The following CYP27C1 variants were observed in gnomAD, a reference collection of about 807,000 sequenced individuals.
The protein encoded by CYP27C1 is cytochrome P450 family 27 subfamily C member 1, also known as cytochrome P450 27C1.
CYP27C1 carries 29 observed loss-of-function variants against 40.6 expected under a neutral mutation model. The ratio of observed to expected loss-of-function variants is 0.71; its 90% CI spans 0.53 to 0.97. The LOEUF (loss-of-function observed/expected upper bound fraction) is 0.97, where lower values mean the gene tolerates loss of function less well. Among genes scored for constraint, CYP27C1 ranks in the 50% least tolerant of loss-of-function variants. CYP27C1 has a pLI of 0.00. For missense variants in CYP27C1, 390 were observed against 485.8 expected (o/e 0.80, Z 1.85); for synonymous variants, 198 against 186.8 (o/e 1.06, Z -0.49).
Position 127,199,535 on chromosome 2 carries a change from T to C in CYP27C1, c.888A>G (p.Gln296=), listed in dbSNP as rs1184231103. The C allele has an allele frequency of 6.2e-7, 1 of 1,612,836 alleles. No homozygotes were observed. The highest frequency in any genetic ancestry group is 1.1e-5 in the South Asian group (1 of 90,918). The change falls in exon 5 of 9, where the codon CAA becomes CAG. Residue 296 remains glutamine (Q), a synonymous_variant. Transcript: ENST00000664447. The part of the protein sequence containing the change: ...RSWDGLFKFS[Q]IHVDNKLRDI... ...CCCTCAACTTGTTGTCAACATGAAT[T>C]TGGCCTGTTTGAAAACAGTATTTCT...
At position 127,208,449 on chromosome 2, in the gene CYP27C1, T is replaced by C. The variant is rs1224082403; in HGVS notation, c.283-2359A>G. 6.6e-6 allele frequency among the ~76,000 whole-genome samples: 1 copy of C among 152,160 alleles called. No individual in the cohort carries two copies. The highest frequency in any genetic ancestry group is 6.5e-5 in the Admixed American group (1 of 15,280). ...CCCAACCCTGGTATGCACAGATTCC[T>C]ACAGCCTCTCAGCTGGAATCTGTTT... is the stretch of plus-strand genomic sequence containing the variant. On this transcript the variant is annotated intron_variant, in intron 1 of 8. Coordinates refer to ENST00000664447, the MANE Select transcript of CYP27C1 (RefSeq NM_001367502.1). The surrounding 1 kb of genome is among the most constrained non-coding windows in gnomAD (Gnocchi z 5.2).
chr2:127,204,071 C>A (rs559133165), intron 2 of CYP27C1, among the ~76,000 whole-genome samples: 1 of 151,702 alleles, frequency 6.6e-6, no homozygotes, highest in East Asian at 1.9e-4. Flanking sequence ...TCAAGACCAG[C>A]CTGGCCAACA....
Position 127,187,342 on chromosome 2 carries a change from C to A in CYP27C1, c.1543G>T (p.Val515Phe). Reference sequence around the variant, plus strand: ...AGGAGCCCGTGGGTTTTTGCATGAACAGCATTGGTCTGAGAAGATGTTTTG... The same window carrying A: ...AGGAGCCCGTGGGTTTTTGCATGAAAAGCATTGGTCTGAGAAGATGTTTTG... ...EIKTSSQTNA[V>F]HAKTHGLLTP... Residue 515 changes from valine (V) to phenylalanine (F), a missense_variant, in exon 9 of 9, where the codon GTT (valine) becomes TTT (phenylalanine). Coordinates refer to ENST00000664447, the MANE Select transcript of CYP27C1 (RefSeq NM_001367502.1). 6.2e-7 allele frequency: 1 copy of A among 1,614,154 alleles called. No individual in the cohort carries two copies. Among genetic ancestry groups the A allele is most frequent in the Non-Finnish European group, 8.5e-7 (1 of 1,180,016 alleles).
intron 8 of CYP27C1, among the ~76,000 whole-genome samples, chr2:127,188,651 T>C (rs1573888646): frequency 1.4e-5 from 2 of 146,590 alleles, no homozygotes; most frequent in Admixed American, 6.6e-5. Context: ...ATTGTTGATC[T>C]TGGTTCGTAC....
intron 1 of CYP27C1, among the ~76,000 whole-genome samples, chr2:127,211,389 T>G (rs540071125): frequency 0.017 from 2,062 of 122,850 alleles, 110 homozygotes; most frequent in African/African-American, 0.054. Context: ...TTTTTTTTTT[T>G]TTTTTTTTTT....
rs1213457898 is a variant in CYP27C1, at chr2:127,196,945, C to A, written c.1048-1444G>T. The stretch of plus-strand genomic sequence containing the variant: ...TGTCAAAAATCTGTATCGCATTATG[C>A]AGTTTAAATGGAGTTGACTATGCAT... On this transcript the variant is annotated intron_variant, in intron 5 of 8. Coordinates refer to ENST00000664447, the MANE Select transcript of CYP27C1 (RefSeq NM_001367502.1). The surrounding 1 kb of genome is among the most constrained non-coding windows in gnomAD (Gnocchi z 4.5). Among the ~76,000 whole-genome samples, 1 of 152,148 alleles carries A rather than the reference C, an allele frequency of 6.6e-6. No individual in the cohort carries two copies. Among genetic ancestry groups the A allele is most frequent in the Non-Finnish European group, 1.5e-5 (1 of 68,034 alleles).
chr2:127,188,300 C>A (rs952425699), intron 8 of CYP27C1, among the ~76,000 whole-genome samples: 1 of 152,194 alleles, frequency 6.6e-6, no homozygotes, highest in Non-Finnish European at 1.5e-5. Context: ...GACCCCATGG[C>A]GTGATCACAG....
rs1434005486 is a variant in CYP27C1 at position 127,184,007 on chromosome 2, C to A, written c.*3264G>T. On this transcript the variant is annotated 3_prime_UTR_variant, in exon 9 of 9. Coordinates refer to ENST00000664447, the MANE Select transcript of CYP27C1 (RefSeq NM_001367502.1). Reference sequence around the variant, plus strand: ...CACCTTCCCACACACACAATACCCACCTCCTGCAGCAAGCTGGGTTATTTT... The same window carrying A: ...CACCTTCCCACACACACAATACCCAACTCCTGCAGCAAGCTGGGTTATTTT... The A allele has an allele frequency of 6.6e-6, 1 of 152,408 alleles. No individual in the cohort carries two copies. Among genetic ancestry groups the A allele is most frequent in the African/African-American group, 2.4e-5 (1 of 41,440 alleles). The allele number at this position is 152,408 out of a possible 1,614,324, so 9.4% of individuals were successfully genotyped here. A position where few individuals can be genotyped will look rare whatever the true frequency, so the allele number is the denominator to read the frequency against.
At chr2:127,194,655 T>G (rs1682861775) in intron 6 of CYP27C1, among the ~76,000 whole-genome samples, 1 of 152,146 alleles carries the variant, frequency 6.6e-6, no homozygotes, top group South Asian at 2.1e-4. Flanking sequence ...ACCATGAGGT[T>G]TGTATCCAGG....
At chr2:127,187,778 C>T (rs1014554685) in intron 8 of CYP27C1, among the ~76,000 whole-genome samples, 4 of 152,220 alleles carry the variant, frequency 2.6e-5, no homozygotes, top group Non-Finnish European at 5.9e-5. Flanking sequence ...TTCCGGGTTT[C>T]CTGCTGGTTC....
chr2:127,203,371 C>T lies in CYP27C1; in HGVS notation c.673+1G>A. On this transcript the variant is annotated splice_donor_variant, in intron 3 of 8. Coordinates refer to ENST00000664447, the MANE Select transcript of CYP27C1 (RefSeq NM_001367502.1). LOFTEE classifies it high-confidence loss of function. ...CTTCCCACCTGCTGATTCCACCTCACCTTCCATTGAATATTTGAAGAAAAG... is the reference window on the plus strand; with the variant it reads ...CTTCCCACCTGCTGATTCCACCTCATCTTCCATTGAATATTTGAAGAAAAG... 6.2e-7 allele frequency: 1 copy of T among 1,611,920 alleles called. No individual in the cohort carries two copies. The highest frequency in any genetic ancestry group is 8.5e-7 in the Non-Finnish European group (1 of 1,178,982).
chr2:127,193,927 C>T (rs758802678), intron 6 of CYP27C1, 60 bp from the exon 7 acceptor site: 54 of 1,562,144 alleles, frequency 3.5e-5, no homozygotes, highest in Middle Eastern at 1.7e-4. Context: ...TTTTATTGAA[C>T]GTTCAGAACC....
intron 2 of CYP27C1, among the ~76,000 whole-genome samples, chr2:127,204,607 A>AAG (rs1683179997): frequency 9.8e-6 from 1 of 102,246 alleles, no homozygotes; most frequent in Non-Finnish European, 2.0e-5. Context: ...GAAAGAAAGA[A>AAG]AGAAAGAAAG....
In CYP27C1 at chr2:127,218,045, C is replaced by A. The variant is rs34487399; in HGVS notation, c.282+1944G>T. On this transcript the variant is annotated intron_variant, in intron 1 of 8. Transcript: ENST00000664447. This position sits in a 1 kb window ranked among gnomAD's most constrained non-coding sequence, Gnocchi z 6.0. Reference sequence around the variant, plus strand: ...CTGTGTGCGCTTGGTGAGAAGGCAGCAAGTGAGTCAGTTGTGACTCTCTGC... The same window carrying A: ...CTGTGTGCGCTTGGTGAGAAGGCAGAAAGTGAGTCAGTTGTGACTCTCTGC... 0.22 allele frequency among the ~76,000 whole-genome samples: 34,091 copies of A among 152,014 alleles called. 3,864 individuals carry two copies. Among genetic ancestry groups the A allele is most frequent in the South Asian group, 0.29 (1,388 of 4,808 alleles).
chr2:127,190,002 A>G (rs1682727777), intron 8 of CYP27C1, among the ~76,000 whole-genome samples: 1 of 152,154 alleles, frequency 6.6e-6, no homozygotes, highest in African/African-American at 2.4e-5. Context: ...TTCTCTATTT[A>G]TATAAGATGA....
intron 1 of CYP27C1, among the ~76,000 whole-genome samples, chr2:127,211,369 G>GTTTTTTTTTTTTTTTTTTTT (rs371826841): frequency 2.1e-5 from 2 of 94,940 alleles, no homozygotes; most frequent in African/African-American, 8.6e-5. Context: ...GTGTTTTTTT[G>GTTTTTTTTTTTTTTTTTTTT]TTTTTTTTTT....
intron 8 of CYP27C1, among the ~76,000 whole-genome samples, chr2:127,188,867 G>T (rs72961079): frequency 0.021 from 3,127 of 152,252 alleles, 87 homozygotes; most frequent in African/African-American, 0.072. Flanking sequence ...TTGCAATGGG[G>T]ACGCAGGCGG....
rs1268658274 is a variant in CYP27C1, at chr2:127,204,440, A to AAAAAAG, written c.474-870_474-869insCTTTTT. 7.3e-5 allele frequency among the ~76,000 whole-genome samples: 3 copies of AAAAAAG among 41,284 alleles called. 1 individual carries two copies. Among genetic ancestry groups the AAAAAAG allele is most frequent in the Non-Finnish European group, 1.4e-4 (3 of 21,020 alleles). The allele number at this position is 41,284 out of a possible 152,430, so 27.1% of individuals were successfully genotyped here. A position where few individuals can be genotyped will look rare whatever the true frequency, so the allele number is the denominator to read the frequency against. The stretch of plus-strand genomic sequence containing the variant: ...AAGAAAGAGAGAAAGGAAAGAAAGA[A>AAAAAAG]AAAGAAAGAAAGAAAGAAAGAAAGA... On this transcript the variant is annotated intron_variant, in intron 2 of 8. Coordinates refer to ENST00000664447, the MANE Select transcript of CYP27C1 (RefSeq NM_001367502.1).
chr2:127,203,169 G>GA (rs11394846), intron 3 of CYP27C1, among the ~76,000 whole-genome samples: 30,398 of 133,114 alleles, frequency 0.23, 3,392 homozygotes, highest in East Asian at 0.32. Context: ...CTTCATCTCA[G>GA]AAAAAAAAAA....
Sources: allele counts gnomAD v4.1 joint callset (sites outside exome capture counted in the v4.1 genomes callset), GRCh38; gene constraint gnomAD v4.1.1; non-coding constraint Gnocchi (gnomAD v3.1); transcripts MANE v1.5; gene names NCBI Gene and HGNC (gene_info 2026-07-23, HGNC 2026-07-21).